Variants in KLHL1 observed in about 807,000 individuals in gnomAD.
KLHL1 encodes kelch-like protein 1.
A neutral mutation model predicts 77.7 loss-of-function variants in KLHL1; 47 were observed. The observed-to-expected ratio is 0.60, with a 90% CI of 0.48 to 0.77. The LOEUF (loss-of-function observed/expected upper bound fraction) is 0.77. KLHL1 is among the 30% of genes least tolerant of loss of function. KLHL1 has a pLI of 0.00. For missense variants in KLHL1, 925 were observed against 910.8 expected, an observed-to-expected ratio of 1.02 and a Z score of -0.20; for synonymous variants, 360 against 325.2, an observed-to-expected ratio of 1.11 and a Z score of -1.15.
rs759485308 is a variant in KLHL1, at chr13:69,796,938, T to A, written c.1439A>T (p.Asp480Val). The part of the protein sequence containing the change: ...NKGATTIEKY[D>V]LRTNLWIQAG... Reference sequence around the variant, plus strand: ...CTGGATCCACAGATTTGTTCTCAGATCATATTTCTCTATAGTTGTAGCTCC... The same window carrying A: ...CTGGATCCACAGATTTGTTCTCAGAACATATTTCTCTATAGTTGTAGCTCC... The change falls in exon 7 of 11, where the codon GAT (aspartate) becomes GTT (valine). Residue 480 changes from aspartate (D) to valine (V), a missense_variant. Physicochemically the swap from Asp to Val is radical, Grantham distance 152. Transcript: ENST00000377844. 1.4e-5 allele frequency: 23 copies of A among 1,614,128 alleles called. No individual in the cohort carries two copies. Among genetic ancestry groups the A allele is most frequent in the Admixed American group, 5.0e-5 (3 of 60,026 alleles).
At chr13:69,907,842 G>A (rs1882093124) in intron 4 of KLHL1, among the ~76,000 whole-genome samples, 1 of 151,980 alleles carries the variant, frequency 6.6e-6, no homozygotes, top group African/African-American at 2.4e-5. Flanking sequence ...AGGTTAAAAT[G>A]GAGCAACATA....
intron 6 of KLHL1, among the ~76,000 whole-genome samples, chr13:69,835,539 G>C (rs1242410999): frequency 6.6e-6 from 1 of 152,074 alleles, no homozygotes; most frequent in Non-Finnish European, 1.5e-5. Flanking sequence ...TGGTTAAAGG[G>C]GGCTGACATG....
At chr13:70,087,422 T>A (rs182082662) in intron 1 of KLHL1, among the ~76,000 whole-genome samples, 21 of 152,114 alleles carry the variant, frequency 1.4e-4, no homozygotes, top group Admixed American at 1.4e-3. Context: ...AAAAACGGCA[T>A]AGTCATGTGT....
intron 1 of KLHL1, among the ~76,000 whole-genome samples, chr13:70,046,042 C>T (rs1017820880): frequency 1.4e-4 from 22 of 152,074 alleles, no homozygotes; most frequent in African/African-American, 4.3e-4. Flanking sequence ...CTCTAAAATG[C>T]GAAGTGGACA....
At chr13:69,753,622 C>T (rs926537573) in intron 7 of KLHL1, among the ~76,000 whole-genome samples, 10 of 151,986 alleles carry the variant, frequency 6.6e-5, no homozygotes, top group Admixed American at 5.9e-4. Flanking sequence ...TTAATTTTTT[C>T]CACAACAGAA....
intron 1 of KLHL1, among the ~76,000 whole-genome samples, chr13:69,992,104 A>T (rs1033766919): frequency 6.6e-6 from 1 of 151,968 alleles, no homozygotes; most frequent in Non-Finnish European, 1.5e-5. Flanking sequence ...GAATATTAGT[A>T]TATGTCCTGG....
chr13:70,026,264 T>C (rs901950040), intron 1 of KLHL1, among the ~76,000 whole-genome samples: 5 of 152,092 alleles, frequency 3.3e-5, no homozygotes, highest in Non-Finnish European at 7.4e-5. Flanking sequence ...TTATAACTGA[T>C]TTTTTTAAAA....
At chr13:69,972,985 C>T (rs984412416) in intron 2 of KLHL1, among the ~76,000 whole-genome samples, 7 of 151,876 alleles carry the variant, frequency 4.6e-5, no homozygotes, top group Admixed American at 3.9e-4. Context: ...TTACTTGTTG[C>T]TGATCAATTA....
chr13:69,881,924 T>G (rs1881009236), intron 5 of KLHL1, among the ~76,000 whole-genome samples: 1 of 152,152 alleles, frequency 6.6e-6, no homozygotes, highest in South Asian at 2.1e-4. Context: ...ATCAAATAAT[T>G]GACAGGAGAC....
intron 4 of KLHL1, among the ~76,000 whole-genome samples, chr13:69,917,867 T>G (rs1566400238): frequency 6.6e-6 from 1 of 151,834 alleles, no homozygotes; most frequent in Non-Finnish European, 1.5e-5. Context: ...ACATGCGAAG[T>G]TTGCTGATAG....
intron 4 of KLHL1, among the ~76,000 whole-genome samples, chr13:69,924,215 C>T (rs562125637): frequency 6.6e-6 from 1 of 152,306 alleles, no homozygotes; most frequent in Non-Finnish European, 1.5e-5. Context: ...AGCAGACAGG[C>T]TTTTGTGTGG....
At chr13:70,092,314 C>G (rs1303521839) in intron 1 of KLHL1, among the ~76,000 whole-genome samples, 1 of 152,104 alleles carries the variant, frequency 6.6e-6, no homozygotes, top group Non-Finnish European at 1.5e-5. Context: ...TGTCAGCTAT[C>G]ACTCATCTCT....
chr13:69,933,575 T>G (rs1323831433), intron 4 of KLHL1, among the ~76,000 whole-genome samples: 1 of 152,150 alleles, frequency 6.6e-6, no homozygotes, highest in African/African-American at 2.4e-5. Context: ...AAGTGAAGGA[T>G]GTATAGCATG....
At chr13:70,099,767 TTTAAACA>T (rs765582464) in intron 1 of KLHL1, among the ~76,000 whole-genome samples, 49 of 152,146 alleles carry the variant, frequency 3.2e-4, no homozygotes, top group Admixed American at 2.3e-3. Context: ...TAAACATTAG[TTTAAACA>T]TTAAACTAAT....
intron 7 of KLHL1, among the ~76,000 whole-genome samples, chr13:69,741,689 G>A (rs555011091): frequency 4.8e-4 from 73 of 152,166 alleles, no homozygotes; most frequent in Admixed American, 1.3e-3. Flanking sequence ...ATTTTCCTTA[G>A]AGCATTTACT....
At chr13:69,942,842 T>C (rs1283643136) in intron 3 of KLHL1, among the ~76,000 whole-genome samples, 1 of 152,166 alleles carries the variant, frequency 6.6e-6, no homozygotes, top group African/African-American at 2.4e-5. Flanking sequence ...TGCTATGACA[T>C]ACACTTTCCC....
intron 9 of KLHL1, among the ~76,000 whole-genome samples, chr13:69,708,348 T>C (rs1267000011): frequency 3.3e-5 from 5 of 151,994 alleles, no homozygotes; most frequent in African/African-American, 4.8e-5. Flanking sequence ...GAGGAAACAG[T>C]TAAGTAGTGT....
chr13:69,905,590 GC>G (rs1299357436), intron 4 of KLHL1, among the ~76,000 whole-genome samples: 1 of 151,882 alleles, frequency 6.6e-6, no homozygotes, highest in Non-Finnish European at 1.5e-5. Context: ...TTGAATTCCT[GC>G]CAACTGCATA....
intron 4 of KLHL1, among the ~76,000 whole-genome samples, chr13:69,890,517 A>G (rs1466125292): frequency 6.6e-6 from 1 of 151,974 alleles, no homozygotes; most frequent in Non-Finnish European, 1.5e-5. Context: ...TCTATTAGAA[A>G]ATTGTCCTAT....
Sources: gnomAD v4.1 joint callset for allele counts (sites outside exome capture counted in the v4.1 genomes callset) on GRCh38, gnomAD v4.1.1 for gene constraint, MANE v1.5 for transcripts, NCBI Gene and HGNC (gene_info 2026-07-23, HGNC 2026-07-21) for gene names.